Variants in DIP2C observed in about 807,000 individuals in gnomAD.
The protein encoded by DIP2C is disco-interacting protein 2 homolog C.
DIP2C carries 33 observed loss-of-function variants against 192.4 expected under a neutral mutation model. That is an observed-to-expected ratio of 0.17 (90% CI 0.13 to 0.23). The LOEUF is 0.23. Ranked by LOEUF, DIP2C falls within the 10% of genes least tolerant of loss-of-function variation. The pLI is 1.00. For missense variants in DIP2C, 1,537 were observed against 2,110.1 expected (o/e 0.73, Z 5.32); for synonymous variants, 979 against 864.1 (o/e 1.13, Z -2.33).
At chr10:593,584 C>CT (rs1441895256) in intron 1 of DIP2C, among the ~76,000 whole-genome samples, 3 of 150,996 alleles carry the variant, frequency 2.0e-5, no homozygotes, top group Non-Finnish European at 4.4e-5. Flanking sequence ...GGCAGGGGCC[C>CT]TCCTCGGTAC....
intron 1 of DIP2C, among the ~76,000 whole-genome samples, chr10:542,688 T>A (rs560200941): frequency 1.3e-5 from 2 of 152,348 alleles, no homozygotes; most frequent in East Asian, 3.9e-4. Flanking sequence ...TGGGGGGTTC[T>A]GACCCTGTCC....
intron 1 of DIP2C, among the ~76,000 whole-genome samples, chr10:635,375 T>A (rs1854769389): frequency 6.6e-6 from 1 of 152,214 alleles, no homozygotes; most frequent in Non-Finnish European, 1.5e-5. Flanking sequence ...AGTGGCCTCA[T>A]CTGGACAGGT....
chr10:560,624 T>C (rs776791461), intron 1 of DIP2C, among the ~76,000 whole-genome samples: 2 of 152,212 alleles, frequency 1.3e-5, no homozygotes, highest in Non-Finnish European at 2.9e-5. Context: ...ACACATTGAC[T>C]TTCAAATTAA....
In DIP2C at chr10:387,769, G is replaced by A. The variant is rs143826852; in HGVS notation, c.1638C>T (p.Val546=). ...IVNVLDFKKD[V]GLWHGILTSV... The stretch of plus-strand genomic sequence containing the variant: ...CTGTCAGGATGCCATGCCAGAGCCC[G>A]ACGTCCTTCTTGAAATCCAGCACAT... The change falls in exon 14 of 37, where the codon GTC becomes GTT. Residue 546 remains valine (V), a synonymous_variant. Coordinates refer to ENST00000280886, the MANE Select transcript of DIP2C (RefSeq NM_014974.3). The A allele has an allele frequency of 2.2e-4, 350 of 1,614,220 alleles. No individual in the cohort carries two copies. In the African/African-American group the frequency reaches 3.9e-3, roughly 18 times the overall value.
At position 541,593 on chromosome 10, in the gene DIP2C, C is replaced by G. The variant is rs181212904; in HGVS notation, c.86-55063G>C. On this transcript the variant is annotated intron_variant, in intron 1 of 36. Transcript: ENST00000280886. ...CCCCCATCTCTCCTGGATCCCACAG[C>G]GTGACCCTCCACATGACCACACCCA... Among the ~76,000 whole-genome samples the G allele has an allele frequency of 9.3e-5, 14 of 150,044 alleles. 2 individuals carry two copies. In the South Asian group the frequency reaches 2.8e-3, roughly 29 times the overall value.
At chr10:293,314 A>G (rs1255655737) in intron 32 of DIP2C, among the ~76,000 whole-genome samples, 1 of 152,212 alleles carries the variant, frequency 6.6e-6, no homozygotes, top group African/African-American at 2.4e-5. Context: ...TTTCAAGGGG[A>G]GCAAACAGGA....
intron 3 of DIP2C, among the ~76,000 whole-genome samples, chr10:445,772 G>C (rs936377259): frequency 9.2e-5 from 14 of 151,826 alleles, no homozygotes; most frequent in Non-Finnish European, 1.6e-4. Context: ...AGGACCACTG[G>C]GCATCTCTAT....
intron 24 of DIP2C, among the ~76,000 whole-genome samples, chr10:353,902 C>T (rs1424964331): frequency 2.0e-5 from 3 of 152,162 alleles, no homozygotes; most frequent in Non-Finnish European, 4.4e-5. Context: ...CTGTATGTGG[C>T]GTGTACTGAG....
chr10:509,258 C>T (rs549516684), intron 1 of DIP2C, among the ~76,000 whole-genome samples: 8 of 152,258 alleles, frequency 5.3e-5, no homozygotes, highest in African/African-American at 9.6e-5. Flanking sequence ...GTCCTAACCG[C>T]GCCAGGTATT....
intron 1 of DIP2C, chr10:650,417 G>C: frequency 1.4e-6 from 1 of 714,012 alleles, no homozygotes; most frequent in South Asian, 1.5e-5. Flanking sequence ...CGAGAAGAAC[G>C]CAGGCCGACA....
chr10:679,391 G>C (rs75457008), intron 1 of DIP2C, among the ~76,000 whole-genome samples: 1 of 14,168 alleles, frequency 7.1e-5, no homozygotes, highest in Non-Finnish European at 1.3e-4. Flanking sequence ...CGTCCTCCCC[G>C]CGCCCATGCT....
rs376000578 is a variant in DIP2C, at chr10:643,565, G to A, written c.85+45929C>T. On this transcript the variant is annotated intron_variant, in intron 1 of 36. Coordinates refer to ENST00000280886, the MANE Select transcript of DIP2C (RefSeq NM_014974.3). ...ACAGAAGCCCGTGGAACAAGCCCTT[G>A]CCCCAGTCCACGTCACCTGTGCTGT... Among the ~76,000 whole-genome samples, 19 of 152,262 alleles carry A rather than the reference G, an allele frequency of 1.2e-4. No individual in the cohort carries two copies. The East Asian group carries it at 3.5e-3, about 28-fold the overall frequency.
chr10:601,627 T>C (rs947697778), intron 1 of DIP2C, among the ~76,000 whole-genome samples: 3 of 152,188 alleles, frequency 2.0e-5, no homozygotes, highest in Non-Finnish European at 4.4e-5. Context: ...CTGTCCTCTG[T>C]GGAAGGCAAC....
chr10:387,642 C>T (rs1963078300), intron 14 of DIP2C, 103 bp downstream of exon 14: 1 of 980,636 alleles, frequency 1.0e-6, no homozygotes, highest in African/African-American at 1.6e-5. Context: ...GAGGGGACTC[C>T]TGTGTGGACA....
chr10:607,925 A>G (rs923316106), intron 1 of DIP2C, among the ~76,000 whole-genome samples: 7 of 151,800 alleles, frequency 4.6e-5, no homozygotes, highest in African/African-American at 1.7e-4. Context: ...AACCCACACC[A>G]CAGCCCCTCA....
At chr10:527,772 CA>C (rs1240957490) in intron 1 of DIP2C, among the ~76,000 whole-genome samples, 1 of 152,140 alleles carries the variant, frequency 6.6e-6, no homozygotes, top group Non-Finnish European at 1.5e-5. Context: ...CTCCTCTGTA[CA>C]ACAGAAAATC....
chr10:661,753 G>A (rs1003124830), intron 1 of DIP2C, among the ~76,000 whole-genome samples: 2 of 152,142 alleles, frequency 1.3e-5, no homozygotes, highest in African/African-American at 4.8e-5. Flanking sequence ...TATGTAGGAG[G>A]CTCCCAAATC....
intron 10 of DIP2C, among the ~76,000 whole-genome samples, chr10:395,398 A>G (rs2132989607): frequency 6.6e-6 from 1 of 152,310 alleles, no homozygotes; most frequent in East Asian, 1.9e-4. Context: ...ATCACACTCT[A>G]CCCCATAAAT....
intron 35 of DIP2C, among the ~76,000 whole-genome samples, chr10:282,834 A>G (rs1954907193): frequency 6.6e-6 from 1 of 152,242 alleles, no homozygotes; most frequent in African/African-American, 2.4e-5. Context: ...CTCTTCCCTG[A>G]CAGGGGCAGA....
Sources: allele counts gnomAD v4.1 joint callset (sites outside exome capture counted in the v4.1 genomes callset), GRCh38; gene constraint gnomAD v4.1.1; transcripts MANE v1.5; gene names NCBI Gene and HGNC (gene_info 2026-07-23, HGNC 2026-07-21).